Variants in CLEC18B observed in about 807,000 individuals in gnomAD.
CLEC18B encodes the protein C-type lectin domain family 18 member B, also known as mannose receptor-like 2.
A neutral mutation model predicts 60.4 loss-of-function variants in CLEC18B; 5 were observed. The ratio of observed to expected loss-of-function variants is 0.08; its 90% CI spans 0.04 to 0.17. CLEC18B has a LOEUF of 0.17. Among genes scored for constraint, CLEC18B ranks in the 10% least tolerant of loss-of-function variants. The pLI is 1.00. For missense variants in CLEC18B, 26 were observed against 572.8 expected (o/e 0.05, Z 9.74); for synonymous variants, 16 against 221.2 (o/e 0.07, Z 8.23).
intron 3 of CLEC18B, among the ~76,000 whole-genome samples, chr16:74,414,832 TAAG>T (rs1172108071): frequency 2.5e-4 from 35 of 140,848 alleles, no homozygotes; most frequent in Non-Finnish European, 5.2e-4. Flanking sequence ...GGGCAATATA[TAAG>T]AAGAGTGAAA....
At chr16:74,421,530 C>T (rs1377078874), upstream of CLEC18B, 1 of 445,446 alleles carries the variant, frequency 2.2e-6, no homozygotes, top group Non-Finnish European at 4.1e-6. Flanking sequence ...CCAGCCCGCC[C>T]CCGACAGCAG....
chr16:74,420,876 GC>G (rs1228468303), intron 1 of CLEC18B, among the ~76,000 whole-genome samples: 2 of 118,634 alleles, frequency 1.7e-5, no homozygotes, highest in African/African-American at 3.1e-5. Context: ...GCTCCTCCGG[GC>G]CACGGATTTC....
At chr16:74,416,137 C>T (rs1597183462) in intron 3 of CLEC18B, among the ~76,000 whole-genome samples, 1 of 151,820 alleles carries the variant, frequency 6.6e-6, no homozygotes, top group East Asian at 2.0e-4. Context: ...GTGGCGTGTG[C>T]CTGCAGTCCC....
chr16:74,418,763 C>T (rs1158605366), intron 2 of CLEC18B, among the ~76,000 whole-genome samples: 2 of 152,166 alleles, frequency 1.3e-5, no homozygotes, highest in African/African-American at 4.8e-5. Context: ...TCATATGCTC[C>T]CCACCACGCA....
intron 11 of CLEC18B, among the ~76,000 whole-genome samples, chr16:74,409,331 T>G (rs1389422963): frequency 6.8e-6 from 1 of 147,160 alleles, no homozygotes; most frequent in East Asian, 2.0e-4. Flanking sequence ...GTAGCTCTAG[T>G]CCTTCCTGCG....
chr16:74,421,821 C>T (rs1477468567), upstream of CLEC18B: 1 of 145,310 alleles, frequency 6.9e-6, no homozygotes. Context: ...TTGGGAAGCT[C>T]GTCCCAACCC....
At chr16:74,423,747 A>G (rs934290544), upstream of CLEC18B, among the ~76,000 whole-genome samples, 2 of 148,842 alleles carry the variant, frequency 1.3e-5, no homozygotes, top group African/African-American at 5.0e-5. Flanking sequence ...TTCATGGGCC[A>G]GAAGAGAAGC....
upstream of CLEC18B, among the ~76,000 whole-genome samples, chr16:74,422,727 T>A (rs1287476338): frequency 6.6e-6 from 1 of 152,034 alleles, no homozygotes; most frequent in Non-Finnish European, 1.5e-5. Context: ...TGGAGTGTTA[T>A]AATCTCAGCT....
chr16:74,413,849 C>CTTTTTTATTTATTTATTTATTTAT (rs10676553), intron 3 of CLEC18B, among the ~76,000 whole-genome samples, 173 bp from the exon 4 acceptor site: 30 of 149,464 alleles, frequency 2.0e-4, no homozygotes, highest in Non-Finnish European at 2.5e-4. Flanking sequence ...TTCAGGAAGG[C>CTTTTTTATTTATTTATTTATTTAT]TTATTTATTT....
At chr16:74,409,935 C>G (rs2013049597) in intron 10 of CLEC18B, 2 of 1,609,286 alleles carry the variant, frequency 1.2e-6, no homozygotes, top group Admixed American at 3.4e-5. Flanking sequence ...CACCTGGGAA[C>G]CCAACAAGGC....
intron 3 of CLEC18B, 106 bp from the exon 4 acceptor site, chr16:74,413,782 C>A: frequency 1.2e-6 from 2 of 1,604,746 alleles, no homozygotes; most frequent in Non-Finnish European, 1.7e-6. Context: ...CTTACCTCTT[C>A]GAGGGCTCAG....
chr16:74,421,951 G>C (rs1330278393), upstream of CLEC18B: 1 of 142,508 alleles, frequency 7.0e-6, no homozygotes, highest in Non-Finnish European at 1.5e-5. Flanking sequence ...CCTTAGGAAA[G>C]TCTGTCTGGG....
At chr16:74,422,327 G>C (rs2013717754), upstream of CLEC18B, 1 of 152,500 alleles carries the variant, frequency 6.6e-6, no homozygotes, top group African/African-American at 2.4e-5. Context: ...CAGGGCAAAG[G>C]ACAGCCTTGC....
chr16:74,423,976 G>A (rs1250956723), upstream of CLEC18B, among the ~76,000 whole-genome samples: 1 of 152,206 alleles, frequency 6.6e-6, no homozygotes, highest in Non-Finnish European at 1.5e-5. Flanking sequence ...TCGGTGGCTG[G>A]GGTGGGTTTG....
At chr16:74,411,463 G>A (rs1219961490) in intron 8 of CLEC18B, 1 of 607,210 alleles carries the variant, frequency 1.6e-6, no homozygotes, top group African/African-American at 1.9e-5. Flanking sequence ...TCCCTTAGAT[G>A]GAGGTTGGTC....
At chr16:74,422,973 C>T (rs1167719461), upstream of CLEC18B, among the ~76,000 whole-genome samples, 2 of 148,300 alleles carry the variant, frequency 1.3e-5, no homozygotes, top group African/African-American at 2.5e-5. Flanking sequence ...GGCCGAGCCA[C>T]CTGTGTTTAT....
At chr16:74,414,323 T>TAG (rs2013328719) in intron 3 of CLEC18B, among the ~76,000 whole-genome samples, 1 of 152,288 alleles carries the variant, frequency 6.6e-6, no homozygotes, top group African/African-American at 2.4e-5. Flanking sequence ...ATTCATTTCT[T>TAG]GCAGTAGGCC....
chr16:74,423,853 G>A (rs1180876945), upstream of CLEC18B, among the ~76,000 whole-genome samples: 1 of 152,262 alleles, frequency 6.6e-6, no homozygotes, highest in Non-Finnish European at 1.5e-5. Flanking sequence ...CTGAAGCTCA[G>A]TATCCAATGG....
upstream of CLEC18B, chr16:74,422,027 G>T (rs1290772495): frequency 6.8e-6 from 1 of 146,412 alleles, no homozygotes; most frequent in African/African-American, 2.6e-5. Context: ...CAGGCCAGGG[G>T]GGGAGTGAGG....
Sources: allele counts gnomAD v4.1 joint callset (sites outside exome capture counted in the v4.1 genomes callset), GRCh38; gene constraint gnomAD v4.1.1; transcripts MANE v1.5; gene names NCBI Gene and HGNC (gene_info 2026-07-23, HGNC 2026-07-21).